PDE1A: variants seen among roughly 807,000 people sequenced by gnomAD.
The protein encoded by PDE1A is dual specificity calcium/calmodulin-dependent 3',5'-cyclic nucleotide phosphodiesterase 1A.
PDE1A carries 35 observed loss-of-function variants against 61.7 expected under a neutral mutation model. That is an observed-to-expected ratio of 0.57 (90% CI 0.43 to 0.75). The LOEUF is 0.75. Among genes scored for constraint, PDE1A ranks in the 30% least tolerant of loss-of-function variants. The probability of loss-of-function intolerance (pLI) is 0.00; values close to 1 mark genes in which losing one functional copy is unlikely to be tolerated. For synonymous variants in PDE1A, 232 were observed against 213.2 expected (o/e 1.09, Z -0.77); for missense variants, 597 against 630.6 (o/e 0.95, Z 0.57).
upstream of PDE1A, among the ~76,000 whole-genome samples, chr2:182,527,349 T>TATATAC (rs1690794371): frequency 1.2e-5 from 1 of 84,082 alleles, no homozygotes; most frequent in African/African-American, 6.7e-5. Context: ...TATATATATA[T>TATATAC]ATATATATAT....
intron 1 of PDE1A, among the ~76,000 whole-genome samples, chr2:182,407,531 G>A (rs948049033): frequency 1.3e-5 from 2 of 151,944 alleles, no homozygotes; most frequent in Non-Finnish European, 2.9e-5. Context: ...ACAGGTTCCC[G>A]CCATCACACC....
chr2:182,700,494 C>A, the PDE1A span, among the ~76,000 whole-genome samples: 2 of 151,464 alleles, frequency 1.3e-5, no homozygotes, highest in Admixed American at 6.6e-5. Flanking sequence ...GAGGCTGAGG[C>A]GGGTGGCTCA....
At chr2:182,155,012 A>C (rs2125282411) in intron 13 of PDE1A, among the ~76,000 whole-genome samples, 1 of 150,120 alleles carries the variant, frequency 6.7e-6, no homozygotes, top group East Asian at 2.0e-4. Flanking sequence ...CTCACCTATA[A>C]TTTTTCATTG....
chr2:182,429,878 G>T (rs542584662), upstream of PDE1A, among the ~76,000 whole-genome samples: 4 of 152,132 alleles, frequency 2.6e-5, no homozygotes, highest in Non-Finnish European at 5.9e-5. Flanking sequence ...GCCATCCCAA[G>T]CACTGGAAAA....
the PDE1A span, among the ~76,000 whole-genome samples, chr2:182,528,216 G>C: frequency 6.6e-6 from 1 of 152,198 alleles, no homozygotes; most frequent in Non-Finnish European, 1.5e-5. Flanking sequence ...CCAAAATGCT[G>C]ATAGTGATAT....
chr2:182,310,776 G>C (rs750335888), intron 1 of PDE1A, among the ~76,000 whole-genome samples: 1 of 152,116 alleles, frequency 6.6e-6, no homozygotes, highest in Non-Finnish European at 1.5e-5. Flanking sequence ...ACATTGTTAT[G>C]TGCTCATCAA....
chr2:182,681,333 A>AGT, the PDE1A span, among the ~76,000 whole-genome samples: 2 of 151,030 alleles, frequency 1.3e-5, no homozygotes, highest in Admixed American at 1.3e-4. Context: ...AGAGAGAGAG[A>AGT]GTCTTGCTCT....
chr2:182,190,338 A>G (rs983532863), intron 10 of PDE1A, among the ~76,000 whole-genome samples: 5 of 152,184 alleles, frequency 3.3e-5, no homozygotes, highest in African/African-American at 1.2e-4. Flanking sequence ...TAATAATAAC[A>G]CTATTTCCAT....
intron 1 of PDE1A, among the ~76,000 whole-genome samples, chr2:182,385,105 C>G (rs1700952519): frequency 1.3e-5 from 2 of 152,068 alleles, no homozygotes; most frequent in Non-Finnish European, 2.9e-5. Context: ...ACAACTTTCC[C>G]AGAAAAACAA....
upstream of PDE1A, among the ~76,000 whole-genome samples, chr2:182,431,124 A>G (rs1185565062): frequency 1.4e-5 from 1 of 69,600 alleles, no homozygotes; most frequent in African/African-American, 8.6e-5. Context: ...AAAACATTAA[A>G]AAAAAAAAAA....
At chr2:182,381,236 C>G (rs151245247) in intron 1 of PDE1A, among the ~76,000 whole-genome samples, 1,904 of 151,410 alleles carry the variant, frequency 0.013, 25 homozygotes, top group South Asian at 0.048. Flanking sequence ...AGATTTTTAA[C>G]ACAGACTATG....
chr2:182,183,603 AG>A lies in PDE1A; in HGVS notation c.1516+2288del, dbSNP rs201101723. 1.5e-3 allele frequency among the ~76,000 whole-genome samples: 229 copies of A among 152,288 alleles called. 5 individuals carry two copies. The East Asian group carries it at 0.04, about 26-fold the overall frequency. On this transcript the variant is annotated intron_variant, in intron 13 of 13. Coordinates refer to ENST00000351439, the Ensembl canonical transcript of PDE1A. ...AGGGTTGGGGTCCAAGTTGGGGTAA[AG>A]GGTAAACCAGCAGGATTTAACAGAA...
chr2:182,372,987 A>G (rs1001840411), intron 1 of PDE1A, among the ~76,000 whole-genome samples: 6 of 152,220 alleles, frequency 3.9e-5, no homozygotes, highest in Non-Finnish European at 5.9e-5. Context: ...AGGGACTAAG[A>G]CAAAGGCCCA....
the PDE1A span, among the ~76,000 whole-genome samples, chr2:182,673,170 CA>C: frequency 1.3e-5 from 2 of 152,192 alleles, no homozygotes; most frequent in African/African-American, 4.8e-5. Context: ...CCATTTTAAA[CA>C]TATCATTGCC....
chr2:182,305,506 GT>G (rs1465282961), intron 1 of PDE1A, among the ~76,000 whole-genome samples: 1 of 152,006 alleles, frequency 6.6e-6, no homozygotes, highest in Non-Finnish European at 1.5e-5. Flanking sequence ...TTAATTCCAA[GT>G]TTTTTCATGG....
intron 2 of PDE1A, among the ~76,000 whole-genome samples, chr2:182,260,809 G>A (rs1340082755): frequency 6.6e-6 from 1 of 152,102 alleles, no homozygotes; most frequent in African/African-American, 2.4e-5. Flanking sequence ...AAACTTCAGT[G>A]TCTCTGAAGT....
intron 13 of PDE1A, among the ~76,000 whole-genome samples, chr2:182,151,563 A>G (rs960598918): frequency 1.4e-4 from 21 of 152,238 alleles, no homozygotes; most frequent in African/African-American, 5.1e-4. Context: ...TTCCCAAGCT[A>G]CAATCATGAG....
chr2:182,705,216 T>C, the PDE1A span, among the ~76,000 whole-genome samples: 3 of 152,200 alleles, frequency 2.0e-5, no homozygotes, highest in African/African-American at 4.8e-5. Context: ...TCCCTTTTCT[T>C]TCCCAGTATA....
At chr2:182,415,994 C>G (rs1702892940) in intron 1 of PDE1A, among the ~76,000 whole-genome samples, 1 of 152,158 alleles carries the variant, frequency 6.6e-6, no homozygotes, top group Non-Finnish European at 1.5e-5. Flanking sequence ...TAATGGCAAG[C>G]CACACTTAAT....
Sources: gnomAD v4.1 joint callset for allele counts (sites outside exome capture counted in the v4.1 genomes callset) on GRCh38, gnomAD v4.1.1 for gene constraint, MANE v1.5 for transcripts, NCBI Gene and HGNC (gene_info 2026-07-23, HGNC 2026-07-21) for gene names.